The following TCERG1 variants were observed in gnomAD, a reference collection of about 807,000 sequenced individuals.
The protein encoded by TCERG1 is TATA box binding protein (TBP)-associated factor, RNA polymerase II, S, 150kD.
A neutral mutation model predicts 144.7 loss-of-function variants in TCERG1; 37 were observed. The ratio of observed to expected loss-of-function variants is 0.26; its 90% CI spans 0.20 to 0.34. The LOEUF (loss-of-function observed/expected upper bound fraction) is 0.34. TCERG1 is among the 10% of genes least tolerant of loss of function. The probability of loss-of-function intolerance (pLI) is 1.00; values close to 1 mark genes in which losing one functional copy is unlikely to be tolerated. For synonymous variants in TCERG1, 492 were observed against 458.2 expected, an observed-to-expected ratio of 1.07 and a Z score of -0.94; for missense variants, 1,027 against 1,380.7, an observed-to-expected ratio of 0.74 and a Z score of 4.06.
At chr5:146,471,452 A>G in intron 8 of TCERG1, 36 bp from the exon 9 acceptor site, 2 of 1,576,868 alleles carry the variant, frequency 1.3e-6, no homozygotes, top group Non-Finnish European at 1.7e-6. Context: ...GGTATTGTTA[A>G]TGTGATACTA....
intron 16 of TCERG1, among the ~76,000 whole-genome samples, chr5:146,493,872 G>T (rs1248089304): frequency 6.6e-6 from 1 of 152,056 alleles, no homozygotes; most frequent in South Asian, 2.1e-4. Context: ...TTCTAAAACT[G>T]TCGGGTAGCA....
Position 146,470,765 on chromosome 5 carries a change from T to C in TCERG1, c.1512+17T>C, listed in dbSNP as rs12657671. On this transcript the variant is annotated intron_variant, in intron 8 of 22. Transcript: ENST00000679501. ...ATAAAGGAGGTAAAGGGCCATGACC[T>C]GTTAACCTGGGAGCCACATTAATTG... 356,332 of 1,563,192 alleles carry C rather than the reference T, an allele frequency of 0.23. 51,348 individuals are homozygous for C. Among genetic ancestry groups the C allele is most frequent in the East Asian group, 0.86 (37,966 of 44,394 alleles).
Position 146,457,293 on chromosome 5 carries a change from T to A in TCERG1, c.396T>A (p.Pro132=), listed in dbSNP as rs984426291. ...CTCCTGGTACTCCAGCACTACCTCC[T>A]ACGGAGGAGATATGGGTTGAAAATA... is the stretch of plus-strand genomic sequence containing the variant. ...VTAPGTPALP[P]TEEIWVENKT... is the part of the protein sequence containing the mutation. The change falls in exon 3 of 23, where the codon CCT becomes CCA. Residue 132 remains proline, a synonymous_variant. Transcript: ENST00000679501. 3.1e-6 allele frequency: 5 copies of A among 1,613,568 alleles called. No individual in the cohort carries two copies. The African/African-American group carries it at 5.3e-5, about 17-fold the overall frequency.
intron 15 of TCERG1, among the ~76,000 whole-genome samples, chr5:146,485,010 T>G (rs1246582670): frequency 6.6e-6 from 1 of 152,224 alleles, no homozygotes; most frequent in Non-Finnish European, 1.5e-5. Context: ...TTCCCTTGCT[T>G]AAAACTGTTT....
intron 9 of TCERG1, among the ~76,000 whole-genome samples, chr5:146,475,231 A>C (rs1764723042): frequency 6.6e-6 from 1 of 152,224 alleles, no homozygotes; most frequent in Non-Finnish European, 1.5e-5. Context: ...ACTGTCTAAT[A>C]GGATCCTCCA....
chr5:146,469,801 T>C lies in TCERG1; in HGVS notation c.1399+57T>C, dbSNP rs1053105727. On this transcript the variant is annotated intron_variant, in intron 7 of 22. Transcript: ENST00000679501. The stretch of plus-strand genomic sequence containing the variant: ...GTATAAACTGTAATAAGTAGAATGG[T>C]ATTTGAAATTCTGAGTTAATTTCTT... The C allele has an allele frequency of 5.0e-6, 6 of 1,188,734 alleles. No homozygotes were observed. In the Admixed American group the frequency reaches 1.5e-4, roughly 29 times the overall value. The allele number at this position is 1,188,734 out of a possible 1,614,324, so 73.6% of individuals were successfully genotyped here.
At chr5:146,454,552 A>C (rs1016207735) in intron 1 of TCERG1, among the ~76,000 whole-genome samples, 3 of 151,488 alleles carry the variant, frequency 2.0e-5, no homozygotes, top group Non-Finnish European at 4.4e-5. Flanking sequence ...CCAAAACTAG[A>C]TCATCCATTG....
At position 146,447,340 on chromosome 5, in the gene TCERG1, GCCCT is replaced by G. The variant is rs1554092853; in HGVS notation, c.-8_-5del. On this transcript the variant is annotated 5_prime_UTR_variant, in exon 1 of 23. Coordinates refer to ENST00000679501, the MANE Select transcript of TCERG1 (RefSeq NM_001382548.1). Reference sequence around the variant, plus strand: ...TCGGGTCGGCGGGTGGATGAACGCGGCCCTCTGTAATGGCGGAGCGTGGCGGGGA... The same window carrying G: ...TCGGGTCGGCGGGTGGATGAACGCGGCTGTAATGGCGGAGCGTGGCGGGGA... The G allele has an allele frequency of 9.3e-6, 15 of 1,611,570 alleles. No homozygotes were observed. The highest frequency in any genetic ancestry group is 1.3e-5 in the Non-Finnish European group (15 of 1,178,998).
At chr5:146,478,681 C>T in intron 10 of TCERG1, 28 bp downstream of exon 10, 1 of 1,529,140 alleles carries the variant, frequency 6.5e-7, no homozygotes. Flanking sequence ...AATTTATCCA[C>T]TGATTTTAAC....
At position 146,507,933 on chromosome 5, in the gene TCERG1, A is replaced by G; in HGVS notation, c.3022A>G (p.Ile1008Val). The part of the protein sequence containing the change: ...KKIIKEDPRC[I>V]KFSSSDRKKQ... ...AATCATTAAGGAAGATCCTCGATGT[A>G]TTAAGTTCTCCTCCAGTGACAGGGT... The change falls in exon 21 of 23, where the codon ATT becomes GTT. Residue 1008 changes from isoleucine to valine, a missense_variant. Physicochemically the swap from Ile to Val is conservative, Grantham distance 29. Around this residue, in one of 6 missense-constraint regions of TCERG1, gnomAD observed 133 missense variants for 283.2 expected, o/e 0.47. Coordinates refer to ENST00000679501, the MANE Select transcript of TCERG1 (RefSeq NM_001382548.1). This position sits in a 1 kb window ranked among gnomAD's most constrained non-coding sequence, Gnocchi z 4.6. 1 of 1,609,986 alleles carries G rather than the reference A, an allele frequency of 6.2e-7. No homozygotes were observed. Among genetic ancestry groups the G allele is most frequent in the Non-Finnish European group, 8.5e-7 (1 of 1,178,006 alleles).
At chr5:146,496,784 C>T (rs1420388956) in intron 16 of TCERG1, among the ~76,000 whole-genome samples, 8 of 151,016 alleles carry the variant, frequency 5.3e-5, no homozygotes, top group African/African-American at 1.9e-4. Flanking sequence ...CTTAAGCAGT[C>T]ATCCTGAGTA....
At position 146,499,606 on chromosome 5, in the gene TCERG1, A is replaced by G. The variant is rs1376987962; in HGVS notation, c.2433+920A>G. The G allele has an allele frequency of 2.0e-5, 3 of 152,340 alleles. No homozygotes were observed. The East Asian group carries it at 5.8e-4, about 29-fold the overall frequency. 9.4% of individuals were successfully genotyped at this position (152,340 alleles called of 1,614,324 possible). On this transcript the variant is annotated intron_variant, in intron 17 of 22. Coordinates refer to ENST00000679501, the MANE Select transcript of TCERG1 (RefSeq NM_001382548.1). The stretch of plus-strand genomic sequence containing the variant: ...GAAATGTGTAAAATCAAATTCTACT[A>G]CATAATTTTATATGTTGAATTAGAA...
At chr5:146,460,145 G>A (rs921442943) in intron 4 of TCERG1, among the ~76,000 whole-genome samples, 2 of 152,072 alleles carry the variant, frequency 1.3e-5, no homozygotes, top group Non-Finnish European at 2.9e-5. Context: ...ATAGAAGGGA[G>A]CAGTCAGAAA....
At chr5:146,486,460 A>G (rs1765840496) in intron 15 of TCERG1, among the ~76,000 whole-genome samples, 1 of 152,208 alleles carries the variant, frequency 6.6e-6, no homozygotes, top group African/African-American at 2.4e-5. Flanking sequence ...TAAAAACTAG[A>G]CCATTTGCAT....
In TCERG1 at chr5:146,495,935, A is replaced by G. The variant is rs1766855197; in HGVS notation, c.2283-2601A>G. Among the ~76,000 whole-genome samples, 3 of 152,114 alleles carry G rather than the reference A, an allele frequency of 2.0e-5. No homozygotes were observed. The South Asian group carries it at 6.2e-4, about 32-fold the overall frequency. ...TTTGGGAGGCCGAGGCAGGTGGATC[A>G]CGAGGTCAGGAGTTTGAGACCAGCC... On this transcript the variant is annotated intron_variant, in intron 16 of 22. Transcript: ENST00000679501.
chr5:146,503,403 C>G lies in TCERG1; in HGVS notation c.2462C>G (p.Ser821Cys), dbSNP rs1431310385. The G allele has an allele frequency of 6.2e-7, 1 of 1,613,266 alleles. No individual in the cohort carries two copies. The highest frequency in any genetic ancestry group is 8.5e-7 in the Non-Finnish European group (1 of 1,179,652). ...AAATCGGATTTCTTTGAACTATTAT[C>G]TAATCATCACTTGGACAGTCAGTCT... is the stretch of plus-strand genomic sequence containing the variant. ...KIKSDFFELL[S>C]NHHLDSQSRW... Residue 821 changes from serine (S) to cysteine (C), a missense_variant, in exon 18 of 23, where the codon TCT becomes TGT. Around this residue, in one of 6 missense-constraint regions of TCERG1, gnomAD observed 482 missense variants for 632.6 expected, o/e 0.76. Transcript: ENST00000679501.
chr5:146,477,950 G>C (rs531233218), intron 9 of TCERG1, among the ~76,000 whole-genome samples: 10 of 151,998 alleles, frequency 6.6e-5, no homozygotes, highest in Non-Finnish European at 1.3e-4. Flanking sequence ...TGATCCTCCT[G>C]CTTTGGCCTC....
chr5:146,503,330 G>C (rs1312797743), intron 17 of TCERG1, 45 bp from the exon 18 acceptor site: 1 of 1,567,354 alleles, frequency 6.4e-7, no homozygotes, highest in African/African-American at 1.4e-5. Context: ...ATTTCTCATG[G>C]TACATTATTT....
chr5:146,450,135 A>G (rs1762230907), intron 1 of TCERG1, among the ~76,000 whole-genome samples: 1 of 152,248 alleles, frequency 6.6e-6, no homozygotes, highest in Non-Finnish European at 1.5e-5. Flanking sequence ...GGAACTATAT[A>G]CTAGTGGCTA....
Sources: allele counts gnomAD v4.1 joint callset (sites outside exome capture counted in the v4.1 genomes callset), GRCh38; gene constraint gnomAD v4.1.1; regional missense constraint gnomAD v4.1.1; non-coding constraint Gnocchi (gnomAD v3.1); transcripts MANE v1.5; gene names NCBI Gene and HGNC (gene_info 2026-07-23, HGNC 2026-07-21).